Variants in PBX3 observed in about 807,000 individuals in gnomAD.
PBX3 encodes the protein pre-B-cell leukemia transcription factor 3.
In PBX3, 14 loss-of-function variants were observed where a neutral mutation model predicts 48.5. The ratio of observed to expected loss-of-function variants is 0.29; its 90% confidence interval spans 0.19 to 0.45. The LOEUF (loss-of-function observed/expected upper bound fraction) is 0.45, where lower values mean the gene tolerates loss of function less well. PBX3 is among the 20% of genes least tolerant of loss of function. The pLI is 1.00. For missense variants in PBX3, 386 were observed against 546.7 expected (o/e 0.71, Z 2.93); for synonymous variants, 210 against 200.3 (o/e 1.05, Z -0.41).
intron 2 of PBX3, among the ~76,000 whole-genome samples, chr9:125,776,859 T>C (rs1837085490): frequency 6.6e-6 from 1 of 152,216 alleles, no homozygotes; most frequent in South Asian, 2.1e-4. Flanking sequence ...GATATTAATA[T>C]TACTTTCATC....
At chr9:125,867,371 GT>G (rs1452632398) in intron 2 of PBX3, among the ~76,000 whole-genome samples, 1 of 152,086 alleles carries the variant, frequency 6.6e-6, no homozygotes, top group Non-Finnish European at 1.5e-5. Context: ...GTTGGGTGTG[GT>G]GGCCCACACC....
chr9:125,937,008 C>T (rs1187259425), intron 5 of PBX3, among the ~76,000 whole-genome samples: 2 of 152,150 alleles, frequency 1.3e-5, no homozygotes, highest in Admixed American at 6.5e-5. Flanking sequence ...ATGCCGAACA[C>T]CGGATGATGA....
In PBX3 at chr9:125,966,629, G is replaced by A. The variant is rs1842539009; in HGVS notation, c.*706G>A. ...AGATTGATCCGTCTGGGGTTTTACG[G>A]TGTGCACTGGGTGCTGCACAGACTT... On this transcript the variant is annotated 3_prime_UTR_variant, in exon 9 of 9. Coordinates refer to ENST00000373489, the MANE Select transcript of PBX3 (RefSeq NM_006195.6). 1 of 152,682 alleles carries A rather than the reference G, an allele frequency of 6.5e-6. No individual in the cohort carries two copies. 9.5% of individuals were successfully genotyped at this position (152,682 alleles called of 1,614,324 possible).
In PBX3 at chr9:125,876,954, A is replaced by G. The variant is rs796935899; in HGVS notation, c.275-38732A>G. ...ACACCCAGCTAATTTTTGTCTTTTT[A>G]GTAGAGACGGGGTTTCACCATATTG... On this transcript the variant is annotated intron_variant, in intron 2 of 8. Coordinates refer to ENST00000373489, the MANE Select transcript of PBX3 (RefSeq NM_006195.6). Among the ~76,000 whole-genome samples, 22 of 151,952 alleles carry G rather than the reference A, an allele frequency of 1.4e-4. 1 individual carries two copies. The highest frequency in any genetic ancestry group is 8.5e-4 in the Admixed American group (13 of 15,256).
chr9:125,797,180 T>A (rs1837809353), intron 2 of PBX3, among the ~76,000 whole-genome samples: 1 of 152,176 alleles, frequency 6.6e-6, no homozygotes, highest in Admixed American at 6.5e-5. Flanking sequence ...AAAAATGTTT[T>A]GAAATGAAAT....
At chr9:125,917,630 A>G (rs2132473795) in intron 3 of PBX3, among the ~76,000 whole-genome samples, 1 of 152,214 alleles carries the variant, frequency 6.6e-6, no homozygotes, top group South Asian at 2.1e-4. Flanking sequence ...TATAGTTTCA[A>G]TTATATATAT....
chr9:125,854,271 A>G (rs981457759), intron 2 of PBX3, among the ~76,000 whole-genome samples: 2 of 151,826 alleles, frequency 1.3e-5, no homozygotes, highest in African/African-American at 2.4e-5. Flanking sequence ...AGCTGGGGCT[A>G]CAGGTGAACC....
intron 2 of PBX3, among the ~76,000 whole-genome samples, chr9:125,884,244 T>C (rs1433081503): frequency 6.6e-6 from 1 of 152,194 alleles, no homozygotes; most frequent in African/African-American, 2.4e-5. Context: ...TGCTCTGCAT[T>C]AGAAGCAATC....
intron 2 of PBX3, among the ~76,000 whole-genome samples, chr9:125,898,498 A>G (rs1020765039): frequency 1.3e-5 from 2 of 151,408 alleles, no homozygotes; most frequent in Non-Finnish European, 3.0e-5. Flanking sequence ...GGCCCATTTC[A>G]GAATCATTAG....
chr9:125,794,841 C>T (rs908387940), intron 2 of PBX3, among the ~76,000 whole-genome samples: 3 of 151,896 alleles, frequency 2.0e-5, no homozygotes, highest in African/African-American at 7.3e-5. Context: ...AGTGTGTACA[C>T]CAAGAGAAGA....
At chr9:125,899,110 C>CA (rs1276418236) in intron 2 of PBX3, among the ~76,000 whole-genome samples, 11 of 150,134 alleles carry the variant, frequency 7.3e-5, no homozygotes, top group African/African-American at 1.5e-4. Context: ...AATTGTTTTC[C>CA]AAAAAACTTA....
At chr9:125,905,827 A>T (rs1289396934) in intron 2 of PBX3, among the ~76,000 whole-genome samples, 1 of 152,042 alleles carries the variant, frequency 6.6e-6, no homozygotes, top group Non-Finnish European at 1.5e-5. Flanking sequence ...TTCCATTATT[A>T]ACATAGAAGT....
chr9:125,868,051 T>C (rs901882496), intron 2 of PBX3, among the ~76,000 whole-genome samples: 3 of 152,110 alleles, frequency 2.0e-5, no homozygotes, highest in Admixed American at 6.5e-5. Context: ...ATTTTCATAT[T>C]TTTTGTAGAG....
intron 3 of PBX3, among the ~76,000 whole-genome samples, chr9:125,924,432 A>G (rs1411835432): frequency 6.6e-6 from 1 of 152,224 alleles, no homozygotes; most frequent in Non-Finnish European, 1.5e-5. Context: ...GCCTTTTCAG[A>G]TAATTGTGAA....
At chr9:125,870,395 AC>A (rs1290550289) in intron 2 of PBX3, among the ~76,000 whole-genome samples, 1 of 152,128 alleles carries the variant, frequency 6.6e-6, no homozygotes, top group Non-Finnish European at 1.5e-5. Context: ...ATGGTGGCAG[AC>A]GAGAGAATTT....
intron 2 of PBX3, among the ~76,000 whole-genome samples, chr9:125,841,735 C>T (rs771514369): frequency 2.6e-5 from 4 of 152,142 alleles, no homozygotes; most frequent in Non-Finnish European, 4.4e-5. Flanking sequence ...GCTTACTTTA[C>T]TGTAGCCAGA....
At chr9:125,809,993 G>T (rs1838240462) in intron 2 of PBX3, among the ~76,000 whole-genome samples, 1 of 152,132 alleles carries the variant, frequency 6.6e-6, no homozygotes, top group Non-Finnish European at 1.5e-5. Flanking sequence ...CAACATGATT[G>T]GTATATTAGG....
chr9:125,882,480 A>G (rs1304155434), intron 2 of PBX3, among the ~76,000 whole-genome samples: 1 of 152,192 alleles, frequency 6.6e-6, no homozygotes, highest in East Asian at 1.9e-4. Context: ...GGTATTTAAC[A>G]TTGGTTCTAT....
At chr9:125,817,654 A>T (rs1432928091) in intron 2 of PBX3, among the ~76,000 whole-genome samples, 1 of 152,236 alleles carries the variant, frequency 6.6e-6, no homozygotes, top group Non-Finnish European at 1.5e-5. Context: ...AACTCATAGA[A>T]TGTAATTTAA....
Sources: gnomAD v4.1 joint callset for allele counts (sites outside exome capture counted in the v4.1 genomes callset) on GRCh38, gnomAD v4.1.1 for gene constraint, MANE v1.5 for transcripts, NCBI Gene and HGNC (gene_info 2026-07-23, HGNC 2026-07-21) for gene names.